Variants in EP300 observed in about 807,000 individuals in gnomAD.
EP300 encodes EP300 lysine acetyltransferase.
Under a neutral mutation model 264.0 loss-of-function variants are expected in EP300, and 31 were observed. The observed-to-expected ratio is 0.12, with a 90% CI of 0.09 to 0.16. The LOEUF is 0.16. Among genes scored for constraint, EP300 ranks in the 10% least tolerant of loss-of-function variants. EP300 has a pLI of 1.00. For synonymous variants in EP300, 1,340 were observed against 1,045.4 expected (o/e 1.28, Z -5.44); for missense variants, 2,766 against 3,052.9 (o/e 0.91, Z 2.21).
At chr22:41,117,855 C>T in intron 2 of EP300, 34 bp downstream of exon 2, 1 of 1,612,576 alleles carries the variant, frequency 6.2e-7, no homozygotes. Context: ...GCACAATCGG[C>T]ATGCATGTGA....
chr22:41,137,526 G>T, intron 7 of EP300, 127 bp from the exon 8 acceptor site: 2 of 1,248,866 alleles, frequency 1.6e-6, no homozygotes, highest in South Asian at 1.3e-5. Context: ...TCCCTGCCTA[G>T]CTCCTTAATG....
intron 3 of EP300, chr22:41,126,364 T>G: frequency 4.0e-6 from 1 of 251,646 alleles, no homozygotes; most frequent in Non-Finnish European, 7.7e-6. Context: ...CCTTTCACTT[T>G]TGGGGGAAGG....
intron 16 of EP300, 131 bp downstream of exon 16, chr22:41,152,481 C>G: frequency 9.8e-7 from 1 of 1,018,652 alleles, no homozygotes. Flanking sequence ...AGCCCTGGGC[C>G]TGGTCTCTTC....
chr22:41,140,343 A>G (rs9619944), intron 9 of EP300, 86 bp downstream of exon 9: 3 of 927,134 alleles, frequency 3.2e-6, no homozygotes, highest in Non-Finnish European at 5.4e-6. Context: ...CAAGTAGTAC[A>G]TATGCTTCAG....
chr22:41,120,101 T>C (rs1412164807), intron 2 of EP300, among the ~76,000 whole-genome samples: 1 of 152,172 alleles, frequency 6.6e-6, no homozygotes, highest in Non-Finnish European at 1.5e-5. Context: ...CCTAGGCCTA[T>C]TTTCTTATTT....
At position 41,131,509 on chromosome 22, in the gene EP300, T is replaced by C; in HGVS notation, c.1404T>C (p.Tyr468=). 6.2e-7 allele frequency: 1 copy of C among 1,614,138 alleles called. No homozygotes were observed. The highest frequency in any genetic ancestry group is 8.5e-7 in the Non-Finnish European group (1 of 1,180,034). Reference sequence around the variant, plus strand: ...ATCCCAGCTCCATAGAAAGAGCCTATGCAGCTCTTGGACTACCCTATCAAG... The same window carrying C: ...ATCCCAGCTCCATAGAAAGAGCCTACGCAGCTCTTGGACTACCCTATCAAG... ...QIDPSSIERA[Y]AALGLPYQVN... is the part of the protein sequence containing the mutation. The change falls in exon 6 of 31, where the codon TAT becomes TAC. Residue 468 remains tyrosine, a synonymous_variant. Coordinates refer to ENST00000263253, the MANE Select transcript of EP300 (RefSeq NM_001429.4).
intron 27 of EP300, among the ~76,000 whole-genome samples, chr22:41,170,959 A>G (rs1288110297): frequency 1.5e-4 from 20 of 134,618 alleles, no homozygotes; most frequent in East Asian, 2.3e-4. Flanking sequence ...CACCGTGCCC[A>G]GCCTTTTTTT....
At chr22:41,113,013 G>A (rs2058801655) in intron 1 of EP300, among the ~76,000 whole-genome samples, 1 of 151,914 alleles carries the variant, frequency 6.6e-6, no homozygotes, top group African/African-American at 2.4e-5. Context: ...CAGTAAAAAG[G>A]ATTTATTTTA....
intron 1 of EP300, among the ~76,000 whole-genome samples, chr22:41,097,339 G>T (rs1601585499): frequency 6.6e-6 from 1 of 152,272 alleles, no homozygotes; most frequent in East Asian, 1.9e-4. Flanking sequence ...AATTGTATTG[G>T]CATGTCCAGT....
intron 1 of EP300, among the ~76,000 whole-genome samples, chr22:41,094,645 A>T (rs185654264): frequency 1.3e-5 from 2 of 152,320 alleles, no homozygotes; most frequent in East Asian, 3.9e-4. Context: ...CTAAAGTGCC[A>T]TTCAGAAACA....
rs775638492 is a variant in EP300 at position 41,176,235 on chromosome 22, T to G, written c.4780-12T>G. The stretch of plus-strand genomic sequence containing the variant: ...GCCCTGTCTCAAAAAAAAGAGACTG[T>G]CTGTTTTTCAGGTCTTCTTTGTGAT... On this transcript the variant is annotated splice_polypyrimidine_tract_variant and intron_variant, in intron 29 of 30. Transcript: ENST00000263253. 2 of 1,613,662 alleles carry G rather than the reference T, an allele frequency of 1.2e-6. No individual in the cohort carries two copies. Among genetic ancestry groups the G allele is most frequent in the African/African-American group, 2.7e-5 (2 of 74,896 alleles).
chr22:41,103,660 G>A (rs1011299621), intron 1 of EP300, among the ~76,000 whole-genome samples: 107 of 152,150 alleles, frequency 7.0e-4, no homozygotes, highest in African/African-American at 2.5e-3. Flanking sequence ...TAGAATATAC[G>A]CTGTGTGATA....
chr22:41,130,772 T>A (rs991925738), intron 5 of EP300, among the ~76,000 whole-genome samples: 2 of 151,974 alleles, frequency 1.3e-5, no homozygotes, highest in South Asian at 2.1e-4. Context: ...AGAAAAAATA[T>A]GAGATTATTT....
intron 3 of EP300, 73 bp downstream of exon 3, chr22:41,126,113 C>T (rs2145708336): frequency 4.0e-6 from 6 of 1,496,802 alleles, no homozygotes; most frequent in South Asian, 2.3e-5. Context: ...AACTTTCACC[C>T]TTCTGTTATA....
rs1274102335 is a variant in EP300, at chr22:41,092,734, G to T, written c.-271G>T. 3.3e-6 allele frequency: 2 copies of T among 608,712 alleles called. No individual in the cohort carries two copies. The highest frequency in any genetic ancestry group is 2.0e-5 in the South Asian group (1 of 49,634). The allele number at this position is 608,712 out of a possible 1,614,324, so 37.7% of individuals were successfully genotyped here. A position where few individuals can be genotyped will look rare whatever the true frequency, so the allele number is the denominator to read the frequency against. ...CGAGTTCTCGGGAATTCGCCGCAGC[G>T]GACGCGCTCGGCGAATTTGTGCTCT... On this transcript the variant is annotated 5_prime_UTR_variant, in exon 1 of 31. Coordinates refer to ENST00000263253, the MANE Select transcript of EP300 (RefSeq NM_001429.4).
At chr22:41,130,154 G>T in intron 5 of EP300, 151 bp downstream of exon 5, 1 of 650,832 alleles carries the variant, frequency 1.5e-6, no homozygotes. Context: ...TGCTTCCCTA[G>T]TGCATAGAAT....
chr22:41,114,625 A>T (rs2058811520), intron 1 of EP300, among the ~76,000 whole-genome samples: 1 of 152,218 alleles, frequency 6.6e-6, no homozygotes, highest in Admixed American at 6.5e-5. Context: ...TTTAGTTAAT[A>T]TATGACCATG....
intron 9 of EP300, among the ~76,000 whole-genome samples, chr22:41,140,752 T>C (rs2058977357): frequency 6.6e-6 from 1 of 152,130 alleles, no homozygotes; most frequent in Non-Finnish European, 1.5e-5. Context: ...GATTCGGGAT[T>C]GCGCTGCTGG....
Position 41,177,305 on chromosome 22 carries a change from C to T in EP300, c.5594C>T (p.Thr1865Ile). 2 of 1,614,114 alleles carry T rather than the reference C, an allele frequency of 1.2e-6. No individual in the cohort carries two copies. The highest frequency in any genetic ancestry group is 2.2e-5 in the South Asian group (2 of 91,084). ...ACACCAACTGGCCAACAGCCAACCA[C>T]CCCGCAGACGCCCCAGCCCACTTCT... The part of the protein sequence containing the change: ...PTTPTGQQPT[T>I]PQTPQPTSQP... Residue 1865 changes from threonine to isoleucine, a missense_variant, in exon 31 of 31, where the codon ACC becomes ATC. Thr to Ile is a moderately conservative substitution (Grantham distance 89). Transcript: ENST00000263253.
Sources: allele counts gnomAD v4.1 joint callset (sites outside exome capture counted in the v4.1 genomes callset), GRCh38; gene constraint gnomAD v4.1.1; transcripts MANE v1.5; gene names NCBI Gene and HGNC (gene_info 2026-07-23, HGNC 2026-07-21).